Variants in LHFPL6 observed in about 807,000 individuals in gnomAD.
LHFPL6 encodes LHFPL tetraspan subfamily member 6.
LHFPL6 carries 9 observed loss-of-function variants against 20.6 expected under a neutral mutation model. That is an observed-to-expected ratio of 0.44 (90% CI 0.26 to 0.76). The LOEUF is 0.76. LHFPL6 is among the 30% of genes least tolerant of loss of function. LHFPL6 has a pLI of 0.20. For synonymous variants in LHFPL6, 105 were observed against 98.7 expected, an observed-to-expected ratio of 1.06 and a Z score of -0.38; for missense variants, 218 against 253.5, an observed-to-expected ratio of 0.86 and a Z score of 0.95.
At chr13:39,549,608 G>A (rs1042734510) in intron 2 of LHFPL6, among the ~76,000 whole-genome samples, 3 of 151,986 alleles carry the variant, frequency 2.0e-5, no homozygotes, top group South Asian at 2.1e-4. Context: ...ACACAGTTTG[G>A]GTTATAAAGT....
intron 3 of LHFPL6, among the ~76,000 whole-genome samples, chr13:39,349,876 A>G (rs901361566): frequency 1.3e-5 from 2 of 152,314 alleles, no homozygotes; most frequent in Middle Eastern, 3.4e-3. Context: ...GGGTCTTGCT[A>G]AAGTATTGCT....
At chr13:39,541,613 C>G (rs1321344634) in intron 2 of LHFPL6, among the ~76,000 whole-genome samples, 1 of 152,182 alleles carries the variant, frequency 6.6e-6, no homozygotes, top group Non-Finnish European at 1.5e-5. Context: ...AGGATTGTCT[C>G]TATTCACTCT....
In LHFPL6 at chr13:39,387,340, A is replaced by G. The variant is rs1003639575; in HGVS notation, c.386-8814T>C. Among the ~76,000 whole-genome samples the G allele has an allele frequency of 2.6e-5, 4 of 151,980 alleles. No individual in the cohort carries two copies. The South Asian group carries it at 8.3e-4, about 32-fold the overall frequency. On this transcript the variant is annotated intron_variant, in intron 2 of 3. Transcript: ENST00000379589. Reference sequence around the variant, plus strand: ...GAAGTGCGTGGATCACCAGGTCAGGAGTTCAAAACCAGCCTGGACAATAAG... The same window carrying G: ...GAAGTGCGTGGATCACCAGGTCAGGGGTTCAAAACCAGCCTGGACAATAAG...
At chr13:39,356,996 C>T (rs750985443) in intron 3 of LHFPL6, among the ~76,000 whole-genome samples, 3 of 152,056 alleles carry the variant, frequency 2.0e-5, no homozygotes, top group Non-Finnish European at 4.4e-5. Context: ...ATGGTGAAAC[C>T]CCATCTTTAT....
intron 2 of LHFPL6, among the ~76,000 whole-genome samples, chr13:39,403,464 T>C (rs1220380510): frequency 6.6e-6 from 1 of 152,188 alleles, no homozygotes; most frequent in Non-Finnish European, 1.5e-5. Flanking sequence ...GTATAATCAA[T>C]GTGATATTGT....
chr13:39,422,222 T>C (rs1871510719), intron 2 of LHFPL6, among the ~76,000 whole-genome samples: 1 of 152,200 alleles, frequency 6.6e-6, no homozygotes, highest in South Asian at 2.1e-4. Context: ...ATCTTCTATG[T>C]AAGTGGCAGC....
intron 2 of LHFPL6, among the ~76,000 whole-genome samples, chr13:39,390,482 A>G (rs1387916954): frequency 2.0e-5 from 3 of 152,102 alleles, no homozygotes; most frequent in Non-Finnish European, 4.4e-5. Context: ...TGGGAGAGAG[A>G]ATGAGACTCT....
chr13:39,402,055 T>C (rs542881512), intron 2 of LHFPL6, among the ~76,000 whole-genome samples: 78 of 152,170 alleles, frequency 5.1e-4, no homozygotes, highest in Non-Finnish European at 9.6e-4. Flanking sequence ...GTTGGAAAAG[T>C]AGAAAATACA....
intron 2 of LHFPL6, among the ~76,000 whole-genome samples, chr13:39,441,980 C>A (rs973503628): frequency 6.6e-6 from 1 of 151,954 alleles, no homozygotes; most frequent in African/African-American, 2.4e-5. Context: ...CAGGCATGCA[C>A]CACCACGCCT....
At chr13:39,444,102 A>T (rs1488764181) in intron 2 of LHFPL6, among the ~76,000 whole-genome samples, 1 of 152,158 alleles carries the variant, frequency 6.6e-6, no homozygotes, top group Non-Finnish European at 1.5e-5. Context: ...AACTTCATGG[A>T]ATTATGTCCA....
chr13:39,507,855 T>G (rs554837261), intron 2 of LHFPL6, among the ~76,000 whole-genome samples: 128 of 151,900 alleles, frequency 8.4e-4, no homozygotes, highest in Admixed American at 1.5e-3. Context: ...GATTTGTCTC[T>G]GATTTCAAGT....
chr13:39,562,926 G>A (rs967716622), intron 2 of LHFPL6, among the ~76,000 whole-genome samples: 2 of 151,942 alleles, frequency 1.3e-5, no homozygotes, highest in Admixed American at 1.3e-4. Context: ...GCACCAAGGG[G>A]AGAATAAATT....
intron 3 of LHFPL6, among the ~76,000 whole-genome samples, chr13:39,354,644 A>G (rs1869680056): frequency 6.6e-6 from 1 of 152,192 alleles, no homozygotes; most frequent in Non-Finnish European, 1.5e-5. Flanking sequence ...AACCAGTAAA[A>G]TAATCCAAGG....
chr13:39,588,842 A>G (rs2324348), intron 2 of LHFPL6, among the ~76,000 whole-genome samples: 141,857 of 152,284 alleles, frequency 0.93, 66,380 homozygotes, highest in Non-Finnish European at 0.98. Context: ...TCACTGCAGC[A>G]TTAGAATAAA....
intron 2 of LHFPL6, among the ~76,000 whole-genome samples, chr13:39,514,524 G>C (rs895186717): frequency 6.6e-6 from 1 of 152,182 alleles, no homozygotes; most frequent in East Asian, 1.9e-4. Context: ...TCACGAATGA[G>C]CACCACAATA....
chr13:39,492,592 T>A (rs1868963101), intron 2 of LHFPL6, among the ~76,000 whole-genome samples: 1 of 152,202 alleles, frequency 6.6e-6, no homozygotes, highest in African/African-American at 2.4e-5. Context: ...CCTGTGTGTA[T>A]AATATACATA....
At chr13:39,369,212 G>A (rs1305154424) in intron 3 of LHFPL6, among the ~76,000 whole-genome samples, 12 of 151,728 alleles carry the variant, frequency 7.9e-5, no homozygotes, top group Admixed American at 7.9e-4. Context: ...GGTTTTCTAA[G>A]AGATTTCCTT....
chr13:39,417,714 A>C (rs889359200), intron 2 of LHFPL6, among the ~76,000 whole-genome samples: 11 of 152,196 alleles, frequency 7.2e-5, no homozygotes, highest in Admixed American at 2.6e-4. Flanking sequence ...GATATTCAGC[A>C]CATCAATGAA....
chr13:39,420,914 G>A (rs539281053), intron 2 of LHFPL6, among the ~76,000 whole-genome samples: 8 of 152,188 alleles, frequency 5.3e-5, no homozygotes, highest in African/African-American at 1.2e-4. Context: ...ATATAGTTCC[G>A]TTCTTATAGA....
Sources: allele counts gnomAD v4.1 joint callset (sites outside exome capture counted in the v4.1 genomes callset), GRCh38; gene constraint gnomAD v4.1.1; transcripts MANE v1.5; gene names NCBI Gene and HGNC (gene_info 2026-07-23, HGNC 2026-07-21).